Variants in TP53AIP1 observed in about 807,000 individuals in gnomAD.
TP53AIP1 encodes p53-regulated apoptosis-inducing protein 1.
Under a neutral mutation model 9.5 loss-of-function variants are expected in TP53AIP1, and 14 were observed. That is an observed-to-expected ratio of 1.47 (90% confidence interval 0.97 to 2.30). The LOEUF is 2.30. TP53AIP1 is among the 30% of genes most tolerant of loss of function. The pLI is 0.00. For missense variants in TP53AIP1, 153 were observed against 146.7 expected (o/e 1.04, Z -0.22); for synonymous variants, 73 against 61.2 (o/e 1.19, Z -0.90).
chr11:128,935,452 T>C lies in TP53AIP1; in HGVS notation c.*139A>G, dbSNP rs570096880. The C allele has an allele frequency of 5.4e-5, 77 of 1,430,160 alleles. 1 individual carries two copies. In the South Asian group the frequency reaches 1.0e-3, roughly 19 times the overall value. 88.6% of individuals were successfully genotyped at this position (1,430,160 alleles called of 1,614,324 possible). ...CCTAGCCACCCAACTGGCCCAGTGG[T>C]CAAGGGGGGAAATGAGGTGGCCGCT... On this transcript the variant is annotated 3_prime_UTR_variant, in exon 4 of 4. Transcript: ENST00000531399.
intron 3 of TP53AIP1, chr11:128,936,242 T>C: frequency 8.8e-7 from 1 of 1,138,654 alleles, no homozygotes; most frequent in Admixed American, 4.5e-5. Context: ...AAATCTGTCC[T>C]ATTGTCCAGC....
At chr11:128,935,867 T>C in intron 3 of TP53AIP1, 155 bp from the exon 4 acceptor site, 12 of 1,322,002 alleles carry the variant, frequency 9.1e-6, no homozygotes, top group Non-Finnish European at 1.2e-5. Context: ...TTATTCTATC[T>C]CCCAAGACAG....
At position 128,937,655 on chromosome 11, in the gene TP53AIP1, C is replaced by G. The variant is rs546435313; in HGVS notation, c.141+23G>C. The G allele has an allele frequency of 5.6e-5, 91 of 1,614,038 alleles. No homozygotes were observed. The Middle Eastern group carries it at 8.2e-4, about 15-fold the overall frequency. Reference sequence around the variant, plus strand: ...GGCTGTGGCAGGCAAAAGACCGTCTCGGTTTTCACTGCAGGGACTTACCCA... The same window carrying G: ...GGCTGTGGCAGGCAAAAGACCGTCTGGGTTTTCACTGCAGGGACTTACCCA... On this transcript the variant is annotated intron_variant, in intron 2 of 3. Transcript: ENST00000531399. This position sits in a 1 kb window ranked among gnomAD's most constrained non-coding sequence, Gnocchi z 4.8.
intron 3 of TP53AIP1, chr11:128,936,304 A>T (rs566340067): frequency 7.8e-7 from 1 of 1,288,156 alleles, no homozygotes; most frequent in East Asian, 3.4e-5. Context: ...GCTTGGCTGT[A>T]GTGACCACTC....
rs531550808 is a variant in TP53AIP1, at chr11:128,939,152, G to C, written c.-76-1258C>G. ...GCACGTTACGAAAATGTAAAAGAAC[G>C]AACACGGCTTCAATACCAGGATTGA... On this transcript the variant is annotated intron_variant, in intron 1 of 3. Coordinates refer to ENST00000531399, the MANE Select transcript of TP53AIP1 (RefSeq NM_022112.3). This position sits in a 1 kb window ranked among gnomAD's most constrained non-coding sequence, Gnocchi z 4.1. Among the ~76,000 whole-genome samples the C allele has an allele frequency of 5.9e-5, 9 of 152,264 alleles. No homozygotes were observed. Among genetic ancestry groups the C allele is most frequent in the African/African-American group, 2.2e-4 (9 of 41,534 alleles).
At chr11:128,938,390 G>C (rs1439394330) in intron 1 of TP53AIP1, among the ~76,000 whole-genome samples, 1 of 152,150 alleles carries the variant, frequency 6.6e-6, no homozygotes, top group African/African-American at 2.4e-5. Flanking sequence ...AGACGGATCA[G>C]AGCAGAACAC....
At chr11:128,934,745 A>G (rs1742745963), downstream of TP53AIP1, 1 of 425,180 alleles carries the variant, frequency 2.4e-6, no homozygotes, top group Non-Finnish European at 4.3e-6. Context: ...AGTGCACATC[A>G]TTTATTTGGA....
chr11:128,935,367 G>T (rs1392249538), downstream of TP53AIP1: 7 of 1,414,392 alleles, frequency 4.9e-6, no homozygotes, highest in East Asian at 5.1e-5. Context: ...AACTTCACAA[G>T]AATTTTTTTC....
chr11:128,935,390 C>A lies in TP53AIP1; in HGVS notation c.*201G>T. 2 of 1,412,194 alleles carry A rather than the reference C, an allele frequency of 1.4e-6. No individual in the cohort carries two copies. Among genetic ancestry groups the A allele is most frequent in the South Asian group, 3.3e-5 (2 of 60,838 alleles). 87.5% of individuals were successfully genotyped at this position (1,412,194 alleles called of 1,614,324 possible). A position where few individuals can be genotyped will look rare whatever the true frequency, so the allele number is the denominator to read the frequency against. The stretch of plus-strand genomic sequence containing the variant: ...AAGAATTTTTTTCCAGCTTTTATTT[C>A]AGATTTGGGGATACAGAAGGATGCA... On this transcript the variant is annotated 3_prime_UTR_variant, in exon 4 of 4. Transcript: ENST00000531399.
chr11:128,940,775 G>A (rs1944924770), intron 1 of TP53AIP1, among the ~76,000 whole-genome samples: 1 of 152,196 alleles, frequency 6.6e-6, no homozygotes, highest in South Asian at 2.1e-4. Flanking sequence ...ATGCCACGGC[G>A]GCCACGCTGG....
rs1446394890 is a variant in TP53AIP1, at chr11:128,939,013, A to G, written c.-76-1119T>C. On this transcript the variant is annotated intron_variant, in intron 1 of 3. Coordinates refer to ENST00000531399, the MANE Select transcript of TP53AIP1 (RefSeq NM_022112.3). The surrounding 1 kb of genome is among the most constrained non-coding windows in gnomAD (Gnocchi z 4.1). ...TGGTACATGCTGGCCATGTGCGGTG[A>G]CCACGCTAAGTACTGTGCGTGTACC... Among the ~76,000 whole-genome samples the G allele has an allele frequency of 2.0e-5, 3 of 152,174 alleles. No individual in the cohort carries two copies. Among genetic ancestry groups the G allele is most frequent in the African/African-American group, 4.8e-5 (2 of 41,424 alleles).
At position 128,937,027 on chromosome 11, in the gene TP53AIP1, G is replaced by A; in HGVS notation, c.142-378C>T. ...GGAGAGAAGTGTGGGCCTCCAGGGAGGTGTAGGCGCTCCTGGCTCCTGGCA... is the reference window on the plus strand; with the variant it reads ...GGAGAGAAGTGTGGGCCTCCAGGGAAGTGTAGGCGCTCCTGGCTCCTGGCA... On this transcript the variant is annotated intron_variant, in intron 2 of 3. Transcript: ENST00000531399. This position sits in a 1 kb window ranked among gnomAD's most constrained non-coding sequence, Gnocchi z 4.8. The A allele has an allele frequency of 9.4e-7, 1 of 1,061,130 alleles. No homozygotes were observed. Among genetic ancestry groups the A allele is most frequent in the Admixed American group, 4.9e-5 (1 of 20,540 alleles). 65.7% of individuals were successfully genotyped at this position (1,061,130 alleles called of 1,614,324 possible). A position where few individuals can be genotyped will look rare whatever the true frequency, so the allele number is the denominator to read the frequency against.
In TP53AIP1 at chr11:128,938,836, C is replaced by G. The variant is rs540911977; in HGVS notation, c.-76-942G>C. On this transcript the variant is annotated intron_variant, in intron 1 of 3. Coordinates refer to ENST00000531399, the MANE Select transcript of TP53AIP1 (RefSeq NM_022112.3). ...ACAAAGGCACTGAGAAAAAAGAATA[C>G]CCTGAAAGCCACACAGGTCTCAGGG... Among the ~76,000 whole-genome samples, 28 of 152,236 alleles carry G rather than the reference C, an allele frequency of 1.8e-4. 1 individual carries two copies. The South Asian group carries it at 5.8e-3, about 32-fold the overall frequency.
chr11:128,941,732 G>A (rs1346143520), intron 1 of TP53AIP1, among the ~76,000 whole-genome samples: 1 of 152,210 alleles, frequency 6.6e-6, no homozygotes. Flanking sequence ...CCCTGAGGAG[G>A]GTTTGCCAGT....
chr11:128,938,048 A>T (rs1022696895), intron 1 of TP53AIP1, among the ~76,000 whole-genome samples, 154 bp from the exon 2 acceptor site: 1 of 151,910 alleles, frequency 6.6e-6, no homozygotes, highest in Non-Finnish European at 1.5e-5. Flanking sequence ...GTAACCACAC[A>T]CCTGAGGAGA....
chr11:128,941,477 T>C (rs1184509563), intron 1 of TP53AIP1, among the ~76,000 whole-genome samples: 1 of 152,192 alleles, frequency 6.6e-6, no homozygotes, highest in South Asian at 2.1e-4. Context: ...GCAGTTATAA[T>C]GGGTTGCCTC....
chr11:128,935,924 A>G (rs1200336473), intron 3 of TP53AIP1: 4 of 1,283,498 alleles, frequency 3.1e-6, no homozygotes, highest in Admixed American at 3.6e-5. Context: ...GCCAACAAAA[A>G]TGTATCTTGG....
chr11:128,937,591 T>A lies in TP53AIP1; in HGVS notation c.141+87A>T. 1 of 1,613,982 alleles carries A rather than the reference T, an allele frequency of 6.2e-7. No individual in the cohort carries two copies. The highest frequency in any genetic ancestry group is 8.5e-7 in the Non-Finnish European group (1 of 1,179,980). Reference sequence around the variant, plus strand: ...CTGGGTCCTGGTGAGTCTGAAAACTTGGGATGTCGGCACCACGGTGAGAGC... The same window carrying A: ...CTGGGTCCTGGTGAGTCTGAAAACTAGGGATGTCGGCACCACGGTGAGAGC... On this transcript the variant is annotated intron_variant, in intron 2 of 3. Coordinates refer to ENST00000531399, the MANE Select transcript of TP53AIP1 (RefSeq NM_022112.3). The surrounding 1 kb of genome is among the most constrained non-coding windows in gnomAD (Gnocchi z 4.8).
intron 3 of TP53AIP1, 48 bp from the exon 4 acceptor site, chr11:128,935,760 C>T (rs1362663181): frequency 1.3e-6 from 2 of 1,482,304 alleles, no homozygotes; most frequent in Admixed American, 2.4e-5. Context: ...GTATGGAGTC[C>T]TTGTTATTTA....
Sources: allele counts gnomAD v4.1 joint callset (sites outside exome capture counted in the v4.1 genomes callset), GRCh38; gene constraint gnomAD v4.1.1; non-coding constraint Gnocchi (gnomAD v3.1); transcripts MANE v1.5; gene names NCBI Gene and HGNC (gene_info 2026-07-23, HGNC 2026-07-21).